PHF19: variants seen among roughly 807,000 people sequenced by gnomAD.
PHF19 encodes polycomb like 3.
In PHF19, 21 loss-of-function variants were observed where a neutral mutation model predicts 79.8. The observed-to-expected ratio is 0.26, with a 90% CI of 0.19 to 0.38. The LOEUF is 0.38. Among genes scored for constraint, PHF19 ranks in the 10% least tolerant of loss-of-function variants. The pLI is 1.00. For synonymous variants in PHF19, 273 were observed against 296.3 expected (o/e 0.92, Z 0.81); for missense variants, 445 against 744.2 (o/e 0.60, Z 4.68).
At chr9:120,861,687 G>C (rs1224050872) in intron 12 of PHF19, among the ~76,000 whole-genome samples, 1 of 152,126 alleles carries the variant, frequency 6.6e-6, no homozygotes, top group Non-Finnish European at 1.5e-5. Flanking sequence ...CTGGACAGTG[G>C]GGACAAGAAT....
At chr9:120,876,920 C>T in intron 1 of PHF19, 171 bp downstream of exon 1, 8 of 965,512 alleles carry the variant, frequency 8.3e-6, no homozygotes, top group Non-Finnish European at 9.9e-6. Context: ...CCCCTCTGCC[C>T]CGCAGGTAAC....
In PHF19 at chr9:120,870,509, T is replaced by G. The variant is rs759261784; in HGVS notation, c.298A>C (p.Asn100His). The G allele has an allele frequency of 6.2e-7, 1 of 1,612,628 alleles. No homozygotes were observed. The highest frequency in any genetic ancestry group is 1.1e-5 in the South Asian group (1 of 91,054). Residue 100 changes from asparagine (N) to histidine (H), a missense_variant, in exon 4 of 15, where the codon AAC (asparagine) becomes CAC (histidine). Asn to His is a moderately conservative substitution (Grantham distance 68). Around this residue, in one of 5 missense-constraint regions of PHF19, gnomAD observed 167 missense variants for 375.8 expected, o/e 0.44. Coordinates refer to ENST00000373896, the MANE Select transcript of PHF19 (RefSeq NM_015651.3). This position sits in a 1 kb window ranked among gnomAD's most constrained non-coding sequence, Gnocchi z 4.4. ...AGVPGEEPKC[N>H]ICLGKTSGPL... ...CCTGATGTCTTCCCTAGGCAGATGTTGCACTTGGGCTCCTCTCCTGGAACA... is the reference window on the plus strand; with the variant it reads ...CCTGATGTCTTCCCTAGGCAGATGTGGCACTTGGGCTCCTCTCCTGGAACA...
chr9:120,885,594 A>C (rs1030908028), intron 1 of PHF19, among the ~76,000 whole-genome samples: 25 of 150,168 alleles, frequency 1.7e-4, no homozygotes, highest in African/African-American at 6.1e-4. Context: ...AAAAAAAAAA[A>C]AACAAAGCAG....
intron 1 of PHF19, among the ~76,000 whole-genome samples, chr9:120,892,283 G>A (rs1353405219): frequency 2.6e-5 from 4 of 152,040 alleles, no homozygotes; most frequent in Non-Finnish European, 1.5e-5. Flanking sequence ...GCCTTGTCTC[G>A]GCTCTCTCTT....
upstream of PHF19, among the ~76,000 whole-genome samples, chr9:120,895,300 C>T (rs911265216): frequency 6.6e-6 from 1 of 152,024 alleles, no homozygotes; most frequent in Non-Finnish European, 1.5e-5. Flanking sequence ...GAACTGTCCC[C>T]TTAATCCCGG....
chr9:120,902,098 C>T, the PHF19 span, among the ~76,000 whole-genome samples: 2 of 152,228 alleles, frequency 1.3e-5, no homozygotes, highest in Non-Finnish European at 2.9e-5. Context: ...ACCCTCTTCC[C>T]TGCCACGTGC....
chr9:120,874,147 C>T lies in PHF19; in HGVS notation c.187-87G>A, dbSNP rs907524882. On this transcript the variant is annotated intron_variant, in intron 2 of 14. Transcript: ENST00000373896. The surrounding 1 kb of genome is among the most constrained non-coding windows in gnomAD (Gnocchi z 4.5). ...AGTCTTCCTCCCCCATTTTTGTCTC[C>T]GTATGTTCCAGAAAGCAGGGCTAGA... The T allele has an allele frequency of 3.8e-5, 28 of 740,292 alleles. No individual in the cohort carries two copies. The highest frequency in any genetic ancestry group is 5.3e-5 in the Non-Finnish European group (22 of 415,718). 45.9% of individuals were successfully genotyped at this position (740,292 alleles called of 1,614,324 possible). A position where few individuals can be genotyped will look rare whatever the true frequency, so the allele number is the denominator to read the frequency against.
chr9:120,879,379 G>A (rs1378906996), upstream of PHF19, among the ~76,000 whole-genome samples: 1 of 152,142 alleles, frequency 6.6e-6, no homozygotes, highest in Non-Finnish European at 1.5e-5. Context: ...TAAATAAGAG[G>A]GGATTGTGCT....
At chr9:120,875,752 A>G (rs1299375132) in intron 1 of PHF19, 1 of 152,628 alleles carries the variant, frequency 6.6e-6, no homozygotes, top group African/African-American at 2.4e-5. Context: ...CCGTTCCTGC[A>G]TTCCTGCCTC....
At chr9:120,901,453 C>T in the PHF19 span, among the ~76,000 whole-genome samples, 2 of 152,276 alleles carry the variant, frequency 1.3e-5, no homozygotes, top group South Asian at 4.1e-4. Flanking sequence ...CCTTGGCTTC[C>T]CAAAGTGCTG....
chr9:120,861,070 C>G lies in PHF19; in HGVS notation c.1304+19G>C. The G allele has an allele frequency of 7.1e-7, 1 of 1,408,258 alleles. No homozygotes were observed. Among genetic ancestry groups the G allele is most frequent in the Non-Finnish European group, 1.0e-6 (1 of 992,168 alleles). 87.2% of individuals were successfully genotyped at this position (1,408,258 alleles called of 1,614,324 possible). Reference sequence around the variant, plus strand: ...CCTGTCTCCAGAGCAGACCTCTGTGCTAGGTCCCTCACTGATACCTTTTTA... The same window carrying G: ...CCTGTCTCCAGAGCAGACCTCTGTGGTAGGTCCCTCACTGATACCTTTTTA... On this transcript the variant is annotated intron_variant, in intron 13 of 14. Coordinates refer to ENST00000373896, the MANE Select transcript of PHF19 (RefSeq NM_015651.3).
upstream of PHF19, among the ~76,000 whole-genome samples, chr9:120,880,813 A>G (rs188443902): frequency 6.6e-6 from 1 of 152,056 alleles, no homozygotes; most frequent in Non-Finnish European, 1.5e-5. Flanking sequence ...TACAAAAATT[A>G]GCTGGGCATG....
chr9:120,867,331 A>G (rs987862992), intron 6 of PHF19, among the ~76,000 whole-genome samples: 1 of 152,226 alleles, frequency 6.6e-6, no homozygotes, highest in Non-Finnish European at 1.5e-5. Context: ...GCTGCTTCCC[A>G]AACACTGCTG....
At chr9:120,867,488 G>A (rs2045739471) in intron 6 of PHF19, among the ~76,000 whole-genome samples, 1 of 152,230 alleles carries the variant, frequency 6.6e-6, no homozygotes, top group South Asian at 2.1e-4. Context: ...AATATGAAGA[G>A]CAAAATGCTC....
At chr9:120,901,838 TGGGGGCAAAA>T in the PHF19 span, among the ~76,000 whole-genome samples, 1 of 152,040 alleles carries the variant, frequency 6.6e-6, no homozygotes, top group South Asian at 2.1e-4. Flanking sequence ...GACTGGCCGT[TGGGGGCAAAA>T]GGTGTGACTG....
intron 9 of PHF19, among the ~76,000 whole-genome samples, chr9:120,864,511 A>G (rs905630139): frequency 4.6e-5 from 7 of 152,212 alleles, no homozygotes; most frequent in African/African-American, 1.7e-4. Context: ...GAAGGAAACA[A>G]GTAAACTATG....
upstream of PHF19, among the ~76,000 whole-genome samples, chr9:120,881,945 A>G (rs144437912): frequency 3.3e-4 from 51 of 152,290 alleles, no homozygotes; most frequent in African/African-American, 1.2e-3. Flanking sequence ...TATTTTTAGT[A>G]GAGATTGGGT....
Position 120,874,668 on chromosome 9 carries a change from GC to G in PHF19, c.73del (p.Ala25ProfsTer12). ...GAAGTTGTTCTTGACCTTCGCCAGGGCCCCCTTGTTGGGGAGGTGGCTGGTG... is the reference window on the plus strand; with the variant it reads ...GAAGTTGTTCTTGACCTTCGCCAGGGCCCCTTGTTGGGGAGGTGGCTGGTG... ...GATSHLPNKG[A>X]LAKVKNNFKD... On this transcript the variant is annotated frameshift_variant, in exon 2 of 15. Coordinates refer to ENST00000373896, the MANE Select transcript of PHF19 (RefSeq NM_015651.3). LOFTEE classifies it high-confidence loss of function. This position sits in a 1 kb window ranked among gnomAD's most constrained non-coding sequence, Gnocchi z 4.5. 6.2e-7 allele frequency: 1 copy of G among 1,613,048 alleles called. No homozygotes were observed. The highest frequency in any genetic ancestry group is 1.1e-5 in the South Asian group (1 of 91,062).
chr9:120,870,592 T>A lies in PHF19; in HGVS notation c.269-54A>T. On this transcript the variant is annotated intron_variant, in intron 3 of 14. Transcript: ENST00000373896. The surrounding 1 kb of genome is among the most constrained non-coding windows in gnomAD (Gnocchi z 4.4). Reference sequence around the variant, plus strand: ...CCAGCTCACAGGAATGGAAGTTTTATACTCACATTCCAGATGCCCAGCCTC... The same window carrying A: ...CCAGCTCACAGGAATGGAAGTTTTAAACTCACATTCCAGATGCCCAGCCTC... 3 of 1,045,674 alleles carry A rather than the reference T, an allele frequency of 2.9e-6. No homozygotes were observed. The highest frequency in any genetic ancestry group is 4.5e-6 in the Non-Finnish European group (3 of 662,160). 64.8% of individuals were successfully genotyped at this position (1,045,674 alleles called of 1,614,324 possible).
Sources: allele counts gnomAD v4.1 joint callset (sites outside exome capture counted in the v4.1 genomes callset), GRCh38; gene constraint gnomAD v4.1.1; regional missense constraint gnomAD v4.1.1; non-coding constraint Gnocchi (gnomAD v3.1); transcripts MANE v1.5; gene names NCBI Gene and HGNC (gene_info 2026-07-23, HGNC 2026-07-21).